PPP2R2A: variants seen among roughly 807,000 people sequenced by gnomAD.
PPP2R2A encodes the protein protein phosphatase 2 regulatory subunit Balpha.
In PPP2R2A, 9 loss-of-function variants were observed where a neutral mutation model predicts 53.2. The ratio of observed to expected loss-of-function variants is 0.17; its 90% CI spans 0.10 to 0.30. The LOEUF is 0.30. Among genes scored for constraint, PPP2R2A ranks in the 10% least tolerant of loss-of-function variants. The pLI is 1.00. For missense variants in PPP2R2A, 235 were observed against 534.6 expected (o/e 0.44, Z 5.53); for synonymous variants, 169 against 174.2 (o/e 0.97, Z 0.23).
chr8:26,312,727 G>T (rs1802346573), intron 2 of PPP2R2A, among the ~76,000 whole-genome samples: 1 of 152,148 alleles, frequency 6.6e-6, no homozygotes, highest in African/African-American at 2.4e-5. Flanking sequence ...TAGCAAAGGT[G>T]TGTTTTTTGC....
chr8:26,342,285 A>G (rs934437961), intron 3 of PPP2R2A, among the ~76,000 whole-genome samples: 1 of 152,228 alleles, frequency 6.6e-6, no homozygotes, highest in African/African-American at 2.4e-5. Flanking sequence ...ATGACCCGAT[A>G]TAAGTGACCC....
At chr8:26,357,286 C>CT (rs1265329582) in intron 4 of PPP2R2A, among the ~76,000 whole-genome samples, 1 of 125,284 alleles carries the variant, frequency 8.0e-6, no homozygotes, top group East Asian at 2.4e-4. Context: ...TAGTAACACC[C>CT]CCCCCCCCCA....
chr8:26,352,672 A>G (rs547159323), intron 3 of PPP2R2A, among the ~76,000 whole-genome samples: 1 of 152,282 alleles, frequency 6.6e-6, no homozygotes, highest in East Asian at 1.9e-4. Flanking sequence ...ATATACCTCT[A>G]TGATTTTGTT....
intron 2 of PPP2R2A, among the ~76,000 whole-genome samples, chr8:26,330,241 T>A (rs1438031672): frequency 6.6e-6 from 1 of 152,194 alleles, no homozygotes; most frequent in Non-Finnish European, 1.5e-5. Context: ...TATGTTTTTT[T>A]ATTTTTAGTC....
At chr8:26,363,664 T>C in intron 7 of PPP2R2A, 57 bp from the exon 8 acceptor site, 1 of 1,363,312 alleles carries the variant, frequency 7.3e-7, no homozygotes, top group Non-Finnish European at 9.6e-7. Flanking sequence ...AAATGCTTTG[T>C]CCAAGCCAGA....
At chr8:26,344,265 T>C (rs1216803512) in intron 3 of PPP2R2A, among the ~76,000 whole-genome samples, 4 of 152,202 alleles carry the variant, frequency 2.6e-5, no homozygotes, top group Non-Finnish European at 5.9e-5. Context: ...TACAAATTTA[T>C]AAATAAAATG....
In PPP2R2A at chr8:26,354,973, T is replaced by C. The variant is rs957160552; in HGVS notation, c.346+340T>C. Among the ~76,000 whole-genome samples the C allele has an allele frequency of 5.9e-5, 9 of 152,226 alleles. No individual in the cohort carries two copies. The highest frequency in any genetic ancestry group is 2.2e-4 in the African/African-American group (9 of 41,462). On this transcript the variant is annotated intron_variant, in intron 4 of 9. Coordinates refer to ENST00000380737, the MANE Select transcript of PPP2R2A (RefSeq NM_002717.4). This position sits in a 1 kb window ranked among gnomAD's most constrained non-coding sequence, Gnocchi z 4.6. ...AATTGAATTTTCCTCAGCAGCAAACTAGAGATAGCAATTTTTTATTATAGT... is the reference window on the plus strand; with the variant it reads ...AATTGAATTTTCCTCAGCAGCAAACCAGAGATAGCAATTTTTTATTATAGT...
chr8:26,355,362 C>T (rs1382674396), intron 4 of PPP2R2A, among the ~76,000 whole-genome samples: 2 of 152,140 alleles, frequency 1.3e-5, no homozygotes, highest in Non-Finnish European at 2.9e-5. Context: ...ACCTCAGTCT[C>T]CTGAGTAGCT....
intron 2 of PPP2R2A, among the ~76,000 whole-genome samples, chr8:26,318,906 G>A (rs1006853189): frequency 2.0e-5 from 3 of 152,174 alleles, no homozygotes; most frequent in East Asian, 3.8e-4. Flanking sequence ...GTATAGTTCA[G>A]TGTCATTAAG....
Position 26,291,799 on chromosome 8 carries a change from G to A in PPP2R2A, c.-21G>A, listed in dbSNP as rs749793386. On this transcript the variant is annotated 5_prime_UTR_variant, in exon 1 of 10. Coordinates refer to ENST00000380737, the MANE Select transcript of PPP2R2A (RefSeq NM_002717.4). ...GCGGAGACCCCGAGGAACCCAGCAG[G>A]GTCACCATTTGCAGCGCAACATGGC... 6 of 1,603,408 alleles carry A rather than the reference G, an allele frequency of 3.7e-6. No homozygotes were observed. The highest frequency in any genetic ancestry group is 1.7e-5 in the Admixed American group (1 of 58,748).
chr8:26,336,937 A>G lies in PPP2R2A; in HGVS notation c.83-1953A>G, dbSNP rs765937221. Among the ~76,000 whole-genome samples, 43 of 151,840 alleles carry G rather than the reference A, an allele frequency of 2.8e-4. No individual in the cohort carries two copies. In the Middle Eastern group the frequency reaches 0.01, roughly 36 times the overall value. On this transcript the variant is annotated intron_variant, in intron 2 of 9. Coordinates refer to ENST00000380737, the MANE Select transcript of PPP2R2A (RefSeq NM_002717.4). The stretch of plus-strand genomic sequence containing the variant: ...TACCTGTCTAACTTTACTGCTTAGC[A>G]GAGAGTGTAGTCAGGCTAGTCACGC...
chr8:26,298,377 A>G (rs1278362517), intron 2 of PPP2R2A, among the ~76,000 whole-genome samples: 1 of 152,124 alleles, frequency 6.6e-6, no homozygotes, highest in Non-Finnish European at 1.5e-5. Flanking sequence ...CCTTTTTGGG[A>G]ATAAAATGGT....
intron 2 of PPP2R2A, among the ~76,000 whole-genome samples, chr8:26,305,529 A>G (rs1801978567): frequency 6.6e-6 from 1 of 152,004 alleles, no homozygotes; most frequent in Admixed American, 6.6e-5. Flanking sequence ...TTTTATGGGG[A>G]GGGGGCAGAG....
chr8:26,302,254 G>C (rs998686921), intron 2 of PPP2R2A, among the ~76,000 whole-genome samples: 1 of 152,222 alleles, frequency 6.6e-6, no homozygotes, highest in African/African-American at 2.4e-5. Flanking sequence ...TGTTGCCCAT[G>C]ATGAAATTTG....
intron 9 of PPP2R2A, among the ~76,000 whole-genome samples, chr8:26,368,884 A>G (rs944588779): frequency 2.6e-5 from 4 of 152,104 alleles, no homozygotes; most frequent in Non-Finnish European, 5.9e-5. Context: ...AGGCCGGCGG[A>G]TCATGAGGTC....
chr8:26,302,446 T>C (rs1801829555), intron 2 of PPP2R2A, among the ~76,000 whole-genome samples: 1 of 152,198 alleles, frequency 6.6e-6, no homozygotes, highest in African/African-American at 2.4e-5. Context: ...AAATCAGTCT[T>C]TTACGGGTGA....
At chr8:26,353,787 G>C (rs992140821) in intron 3 of PPP2R2A, among the ~76,000 whole-genome samples, 1 of 152,142 alleles carries the variant, frequency 6.6e-6, no homozygotes, top group Admixed American at 6.6e-5. Flanking sequence ...AGGTTCATAA[G>C]ATGAGAAAGC....
At chr8:26,327,484 C>G (rs1339422470) in intron 2 of PPP2R2A, among the ~76,000 whole-genome samples, 2 of 152,158 alleles carry the variant, frequency 1.3e-5, no homozygotes, top group Admixed American at 6.5e-5. Flanking sequence ...AAAGGACAAA[C>G]CAAACTTGCT....
intron 2 of PPP2R2A, among the ~76,000 whole-genome samples, chr8:26,337,792 T>C (rs959186701): frequency 3.3e-5 from 5 of 152,186 alleles, no homozygotes; most frequent in African/African-American, 1.2e-4. Context: ...TTGTAACTTT[T>C]GGTAGATTCT....
Sources: gnomAD v4.1 joint callset for allele counts (sites outside exome capture counted in the v4.1 genomes callset) on GRCh38, gnomAD v4.1.1 for gene constraint, Gnocchi (gnomAD v3.1) non-coding constraint, MANE v1.5 for transcripts, NCBI Gene and HGNC (gene_info 2026-07-23, HGNC 2026-07-21) for gene names.